The following CADPS2 variants were observed in gnomAD, a reference collection of about 807,000 sequenced individuals.
CADPS2 encodes the protein calcium dependent secretion activator 2, also known as calcium-dependent secretion activator 2.
Under a neutral mutation model 172.5 loss-of-function variants are expected in CADPS2, and 93 were observed. That is an observed-to-expected ratio of 0.54 (90% confidence interval 0.46 to 0.64). CADPS2 has a LOEUF of 0.64. Among genes scored for constraint, CADPS2 ranks in the 30% least tolerant of loss-of-function variants. The pLI is 0.00. For missense variants in CADPS2, 1,420 were observed against 1,565.9 expected (o/e 0.91, Z 1.57); for synonymous variants, 546 against 555.2 (o/e 0.98, Z 0.23).
intron 17 of CADPS2, among the ~76,000 whole-genome samples, chr7:122,420,758 G>A (rs2048444553): frequency 6.6e-6 from 1 of 152,188 alleles, no homozygotes; most frequent in Admixed American, 6.5e-5. Context: ...GCCAAAAGTA[G>A]CAAAGTTGCT....
intron 1 of CADPS2, among the ~76,000 whole-genome samples, chr7:122,861,546 C>T (rs1816941436): frequency 1.3e-5 from 2 of 152,168 alleles, no homozygotes; most frequent in African/African-American, 2.4e-5. Context: ...TTCTGTAAGT[C>T]TTCTCTTCAC....
chr7:122,477,783 T>C (rs575121880), intron 12 of CADPS2, among the ~76,000 whole-genome samples: 15 of 152,184 alleles, frequency 9.9e-5, no homozygotes, highest in Admixed American at 3.3e-4. Flanking sequence ...GTAGCTACTT[T>C]TTTTGTGACA....
At chr7:122,571,182 G>A (rs1043306402) in intron 7 of CADPS2, among the ~76,000 whole-genome samples, 1 of 151,970 alleles carries the variant, frequency 6.6e-6, no homozygotes, top group African/African-American at 2.4e-5. Context: ...TTAAAAACTG[G>A]GGAAAATATT....
chr7:122,655,264 A>G (rs928469925), intron 3 of CADPS2, among the ~76,000 whole-genome samples: 2 of 152,206 alleles, frequency 1.3e-5, no homozygotes, highest in African/African-American at 4.8e-5. Flanking sequence ...CCAATTTTGA[A>G]AAATGTTCTT....
At chr7:122,783,192 C>CAAAAA (rs1001289886) in intron 1 of CADPS2, among the ~76,000 whole-genome samples, 1 of 63,488 alleles carries the variant, frequency 1.6e-5, no homozygotes, top group Non-Finnish European at 3.2e-5. Flanking sequence ...GACTCCATCT[C>CAAAAA]AAAAAAAAAA....
At chr7:122,776,971 T>G (rs1209981951) in intron 1 of CADPS2, among the ~76,000 whole-genome samples, 1 of 151,994 alleles carries the variant, frequency 6.6e-6, no homozygotes, top group Admixed American at 6.6e-5. Context: ...GGCAATATAG[T>G]GTGACCCCAT....
intron 1 of CADPS2, among the ~76,000 whole-genome samples, chr7:122,816,180 C>A (rs1327947146): frequency 6.6e-6 from 1 of 151,298 alleles, no homozygotes; most frequent in Non-Finnish European, 1.5e-5. Context: ...CCCCACCCAC[C>A]CCTTACCCAC....
intron 2 of CADPS2, among the ~76,000 whole-genome samples, chr7:122,718,661 G>A (rs2159826): frequency 0.048 from 7,298 of 152,142 alleles, 225 homozygotes; most frequent in African/African-American, 0.049. Context: ...CTGATCAAAT[G>A]GGGCCGTGTT....
At chr7:122,832,486 A>T (rs912299471) in intron 1 of CADPS2, among the ~76,000 whole-genome samples, 2 of 152,186 alleles carry the variant, frequency 1.3e-5, no homozygotes, top group African/African-American at 4.8e-5. Flanking sequence ...TCCAGCGGTC[A>T]TTTGGAGATA....
At chr7:122,806,555 G>T (rs1798837697) in intron 1 of CADPS2, among the ~76,000 whole-genome samples, 1 of 152,164 alleles carries the variant, frequency 6.6e-6, no homozygotes, top group Admixed American at 6.5e-5. Context: ...TTGACAATCA[G>T]AGTCCTGCCA....
chr7:122,758,982 T>G (rs1193285601), intron 1 of CADPS2, among the ~76,000 whole-genome samples: 1 of 147,368 alleles, frequency 6.8e-6, no homozygotes, highest in East Asian at 2.0e-4. Context: ...AATAGCATCC[T>G]AGGATTTTCT....
At chr7:122,502,397 CT>C (rs943676974) in intron 9 of CADPS2, among the ~76,000 whole-genome samples, 10 of 151,646 alleles carry the variant, frequency 6.6e-5, no homozygotes, top group African/African-American at 2.4e-4. Context: ...TTTTGTCTTG[CT>C]TTTTTTTCCT....
intron 1 of CADPS2, among the ~76,000 whole-genome samples, chr7:122,766,790 G>A (rs17144819): frequency 0.015 from 2,235 of 152,236 alleles, 54 homozygotes; most frequent in African/African-American, 0.051. Flanking sequence ...GACAAGATAA[G>A]GAGTGACAGG....
intron 1 of CADPS2, among the ~76,000 whole-genome samples, chr7:122,780,259 C>T (rs928072039): frequency 6.6e-6 from 1 of 152,014 alleles, no homozygotes; most frequent in East Asian, 1.9e-4. Context: ...CTTTACTGAA[C>T]TTCTGTATAC....
At chr7:122,813,356 A>T (rs1800520167) in intron 1 of CADPS2, among the ~76,000 whole-genome samples, 1 of 152,130 alleles carries the variant, frequency 6.6e-6, no homozygotes, top group African/African-American at 2.4e-5. Context: ...TAATTATATG[A>T]ACAACCTACA....
At chr7:122,773,364 AAT>A (rs2093763815) in intron 1 of CADPS2, among the ~76,000 whole-genome samples, 1 of 152,026 alleles carries the variant, frequency 6.6e-6, no homozygotes. Context: ...AGAAGGTAAT[AAT>A]ATCCGTGTTC....
intron 25 of CADPS2, among the ~76,000 whole-genome samples, chr7:122,375,466 AAG>A (rs2042231443): frequency 6.6e-6 from 1 of 152,200 alleles, no homozygotes; most frequent in Non-Finnish European, 1.5e-5. Context: ...GATCTTTGAC[AAG>A]AGTGTCAAGA....
chr7:122,383,512 G>T (rs2043264660), intron 24 of CADPS2, among the ~76,000 whole-genome samples: 1 of 151,832 alleles, frequency 6.6e-6, no homozygotes, highest in African/African-American at 2.4e-5. Context: ...AGATTCTAGG[G>T]CTTTGTTAGA....
chr7:122,795,498 T>C (rs1796171284), intron 1 of CADPS2, among the ~76,000 whole-genome samples: 2 of 152,086 alleles, frequency 1.3e-5, no homozygotes, highest in African/African-American at 4.8e-5. Flanking sequence ...CGGCATCACT[T>C]CAAGAAGCTT....
Sources: gnomAD v4.1 joint callset for allele counts (sites outside exome capture counted in the v4.1 genomes callset) on GRCh38, gnomAD v4.1.1 for gene constraint, MANE v1.5 for transcripts, NCBI Gene and HGNC (gene_info 2026-07-23, HGNC 2026-07-21) for gene names.